MAGI2: variants seen among roughly 807,000 people sequenced by gnomAD.
The protein encoded by MAGI2 is membrane-associated guanylate kinase, WW and PDZ domain-containing protein 2.
In MAGI2, 35 loss-of-function variants were observed where a neutral mutation model predicts 133.3. The observed-to-expected ratio is 0.26, with a 90% CI of 0.20 to 0.35. MAGI2 has a LOEUF of 0.35. Among genes scored for constraint, MAGI2 ranks in the 10% least tolerant of loss-of-function variants. MAGI2 has a pLI of 1.00. For synonymous variants in MAGI2, 729 were observed against 710.6 expected (o/e 1.03, Z -0.41); for missense variants, 1,636 against 1,863.4 (o/e 0.88, Z 2.25).
chr7:78,274,691 C>T (rs560580770), intron 9 of MAGI2, among the ~76,000 whole-genome samples: 15 of 152,182 alleles, frequency 9.9e-5, no homozygotes, highest in African/African-American at 1.7e-4. Flanking sequence ...TGCTTAGCTG[C>T]GGTGGGCTCC....
At chr7:78,572,934 G>A (rs1317738239) in intron 3 of MAGI2, among the ~76,000 whole-genome samples, 3 of 148,628 alleles carry the variant, frequency 2.0e-5, no homozygotes, top group Non-Finnish European at 4.4e-5. Flanking sequence ...TTACAGGCAT[G>A]AGCCACCATG....
chr7:79,228,067 A>C (rs1231583274), intron 1 of MAGI2, among the ~76,000 whole-genome samples: 1 of 152,108 alleles, frequency 6.6e-6, no homozygotes, highest in African/African-American at 2.4e-5. Flanking sequence ...GCTGAAGGCT[A>C]GGTGCCTTGT....
At chr7:78,849,809 GC>G (rs1792974686) in intron 2 of MAGI2, among the ~76,000 whole-genome samples, 1 of 151,836 alleles carries the variant, frequency 6.6e-6, no homozygotes, top group African/African-American at 2.4e-5. Flanking sequence ...TAGACATGGT[GC>G]TTTTATTCTT....
At chr7:78,935,963 G>A (rs1800477273) in intron 2 of MAGI2, among the ~76,000 whole-genome samples, 1 of 152,008 alleles carries the variant, frequency 6.6e-6, no homozygotes, top group African/African-American at 2.4e-5. Flanking sequence ...TCTATTAGCT[G>A]CCTTTTCTAG....
chr7:78,257,941 A>G (rs906295413), intron 9 of MAGI2, among the ~76,000 whole-genome samples: 3 of 152,236 alleles, frequency 2.0e-5, no homozygotes, highest in Non-Finnish European at 4.4e-5. Flanking sequence ...AATGAAAAAC[A>G]GAGTTGAACT....
intron 2 of MAGI2, among the ~76,000 whole-genome samples, chr7:78,769,157 C>CT (rs1220813588): frequency 6.6e-6 from 1 of 152,176 alleles, no homozygotes; most frequent in Non-Finnish European, 1.5e-5. Flanking sequence ...GGGGACACAT[C>CT]TTTTTCCTTG....
intron 4 of MAGI2, among the ~76,000 whole-genome samples, chr7:78,508,449 T>A (rs1171297590): frequency 6.6e-6 from 1 of 152,248 alleles, no homozygotes; most frequent in Non-Finnish European, 1.5e-5. Context: ...TTAGATAATA[T>A]ATCTTTCTTC....
intron 3 of MAGI2, among the ~76,000 whole-genome samples, chr7:78,607,268 G>A (rs572342566): frequency 1.3e-5 from 2 of 152,124 alleles, no homozygotes; most frequent in Admixed American, 6.5e-5. Flanking sequence ...TCACCCAATC[G>A]CAGATAATCA....
chr7:78,102,334 G>C lies in MAGI2; in HGVS notation c.3568-23249C>G, dbSNP rs183106503. ...TACATACTTGAAATTTGCTAAGAGA[G>C]TAGATCTTACATGTTCTCACCACCA... On this transcript the variant is annotated intron_variant, in intron 20 of 21. Transcript: ENST00000354212. Among the ~76,000 whole-genome samples the C allele has an allele frequency of 2.6e-5, 4 of 152,238 alleles. No homozygotes were observed. The East Asian group carries it at 7.7e-4, about 29-fold the overall frequency.
At chr7:79,155,073 T>G (rs929267205) in intron 1 of MAGI2, among the ~76,000 whole-genome samples, 5 of 152,148 alleles carry the variant, frequency 3.3e-5, no homozygotes, top group African/African-American at 9.7e-5. Flanking sequence ...TTATTAAAAT[T>G]TTCACAAGGC....
Position 78,275,003 on chromosome 7 carries a change from A to AC in MAGI2, c.1409-18423dup, listed in dbSNP as rs527728574. Among the ~76,000 whole-genome samples, 5 of 150,020 alleles carry AC rather than the reference A, an allele frequency of 3.3e-5. No individual in the cohort carries two copies. The South Asian group carries it at 1.1e-3, about 32-fold the overall frequency. On this transcript the variant is annotated intron_variant, in intron 9 of 21. Transcript: ENST00000354212. ...GTTCCACTGGGGTATGAAAAAAAAA[A>AC]CTCCTGCAGCTAGTTTGGTGTCTGG...
intron 2 of MAGI2, among the ~76,000 whole-genome samples, chr7:78,875,904 A>T (rs1294858128): frequency 6.6e-6 from 1 of 152,228 alleles, no homozygotes; most frequent in Non-Finnish European, 1.5e-5. Context: ...AACAAAAGTC[A>T]TTAGAATCAT....
chr7:78,042,124 T>A (rs571817617), intron 21 of MAGI2, among the ~76,000 whole-genome samples: 1 of 152,252 alleles, frequency 6.6e-6, no homozygotes, highest in African/African-American at 2.4e-5. Context: ...AAATCAGTAG[T>A]GTTATTTACT....
At chr7:78,502,637 T>G (rs1057304290) in intron 4 of MAGI2, among the ~76,000 whole-genome samples, 3 of 152,238 alleles carry the variant, frequency 2.0e-5, no homozygotes, top group Admixed American at 2.0e-4. Context: ...TTAAATTTTA[T>G]CATAGTTTTT....
chr7:78,972,254 T>C (rs991962106), intron 2 of MAGI2, among the ~76,000 whole-genome samples: 1 of 151,940 alleles, frequency 6.6e-6, no homozygotes, highest in Admixed American at 6.6e-5. Context: ...TATACTTCTC[T>C]AAATATTTTT....
chr7:79,255,054 C>G (rs1382139633), intron 1 of MAGI2, among the ~76,000 whole-genome samples: 1 of 152,146 alleles, frequency 6.6e-6, no homozygotes, highest in Non-Finnish European at 1.5e-5. Context: ...TATTTCTAGT[C>G]CATGTTTCTG....
chr7:78,102,486 T>C (rs900799585), intron 20 of MAGI2, among the ~76,000 whole-genome samples: 1 of 152,190 alleles, frequency 6.6e-6, no homozygotes, highest in African/African-American at 2.4e-5. Flanking sequence ...ATGTTCTATT[T>C]GTCAGTCATA....
intron 1 of MAGI2, among the ~76,000 whole-genome samples, chr7:79,033,959 A>T (rs753490854): frequency 8.4e-5 from 10 of 119,098 alleles, no homozygotes; most frequent in African/African-American, 1.7e-4. Context: ...TTTTGTATTT[A>T]AAAAAAATGT....
At chr7:78,691,813 CACTAT>C (rs755035041) in intron 2 of MAGI2, among the ~76,000 whole-genome samples, 26 of 152,094 alleles carry the variant, frequency 1.7e-4, no homozygotes, top group Admixed American at 3.3e-4. Context: ...CCCTGTATGA[CACTAT>C]AATGCTGGAT....
Sources: gnomAD v4.1 joint callset for allele counts (sites outside exome capture counted in the v4.1 genomes callset) on GRCh38, gnomAD v4.1.1 for gene constraint, MANE v1.5 for transcripts, NCBI Gene and HGNC (gene_info 2026-07-23, HGNC 2026-07-21) for gene names.